The following REEP3 variants were observed in gnomAD, a reference collection of about 807,000 sequenced individuals.
REEP3 encodes receptor accessory protein 3, also known as receptor expression-enhancing protein 3.
Under a neutral mutation model 41.3 loss-of-function variants are expected in REEP3, and 20 were observed. The observed-to-expected ratio is 0.48, with a 90% CI of 0.34 to 0.70. REEP3 has a LOEUF of 0.70. REEP3 is among the 30% of genes least tolerant of loss of function. The pLI is 0.01. For synonymous variants in REEP3, 104 were observed against 101.8 expected (o/e 1.02, Z -0.13); for missense variants, 271 against 308.8 (o/e 0.88, Z 0.92).
intron 2 of REEP3, among the ~76,000 whole-genome samples, chr10:63,583,135 G>A (rs1436684048): frequency 6.6e-6 from 1 of 152,036 alleles, no homozygotes; most frequent in Non-Finnish European, 1.5e-5. Context: ...GGGACTACAG[G>A]CGCCCACCAC....
At chr10:63,576,253 T>G (rs1955897980) in intron 2 of REEP3, among the ~76,000 whole-genome samples, 1 of 152,194 alleles carries the variant, frequency 6.6e-6, no homozygotes. Flanking sequence ...CTATAGAATA[T>G]TTTCCTGTGG....
intron 6 of REEP3, among the ~76,000 whole-genome samples, chr10:63,614,462 CTGCTG>C (rs1356443648): frequency 6.6e-6 from 1 of 152,214 alleles, no homozygotes; most frequent in Non-Finnish European, 1.5e-5. Context: ...GCTCACACAT[CTGCTG>C]TCTGAGCTGA....
At chr10:63,569,982 G>A (rs570081229) in intron 2 of REEP3, among the ~76,000 whole-genome samples, 2 of 151,886 alleles carry the variant, frequency 1.3e-5, no homozygotes, top group Non-Finnish European at 2.9e-5. Context: ...AAATCAGAAA[G>A]ATTAATGCAT....
At chr10:63,529,601 T>C (rs562741174) in intron 1 of REEP3, among the ~76,000 whole-genome samples, 1 of 152,148 alleles carries the variant, frequency 6.6e-6, no homozygotes, top group African/African-American at 2.4e-5. Flanking sequence ...TAGCCAGGAC[T>C]AGAGGCATGC....
chr10:63,599,763 GTA>G, intron 5 of REEP3: 1 of 801,818 alleles, frequency 1.2e-6, no homozygotes, highest in Non-Finnish European at 1.5e-6. Context: ...TTAAAACTTG[GTA>G]CTTAGCCAGT....
In REEP3 at chr10:63,584,640, G is replaced by T. The variant is rs140543057; in HGVS notation, c.106-10138G>T. ...TCTTTGTTTTTAATGATGGAGTGGG[G>T]GGGGAATCATTATGAAGTAACCAAA... On this transcript the variant is annotated intron_variant, in intron 2 of 7. Coordinates refer to ENST00000373758, the MANE Select transcript of REEP3 (RefSeq NM_001001330.3). Among the ~76,000 whole-genome samples the T allele has an allele frequency of 3.2e-3, 489 of 152,016 alleles. 13 individuals carry two copies. Among genetic ancestry groups the T allele is most frequent in the Admixed American group, 0.03 (462 of 15,262 alleles).
intron 5 of REEP3, among the ~76,000 whole-genome samples, chr10:63,601,069 G>T (rs1956167922): frequency 6.6e-6 from 1 of 151,960 alleles, no homozygotes; most frequent in Admixed American, 6.6e-5. Flanking sequence ...CAGGAGAATT[G>T]CTTGAACCCG....
intron 6 of REEP3, among the ~76,000 whole-genome samples, chr10:63,619,361 A>G (rs1167412506): frequency 1.3e-5 from 2 of 152,222 alleles, no homozygotes; most frequent in African/African-American, 4.8e-5. Context: ...GAATTTTTTA[A>G]CAAGATGGTG....
At chr10:63,532,796 T>G (rs1955435739) in intron 1 of REEP3, among the ~76,000 whole-genome samples, 1 of 151,236 alleles carries the variant, frequency 6.6e-6, no homozygotes, top group African/African-American at 2.4e-5. Context: ...TACTCAGTAC[T>G]CAGAAGGCTG....
At position 63,624,225 on chromosome 10, in the gene REEP3, T is replaced by C. The variant is rs1956378754; in HGVS notation, c.*3356T>C. 1 of 152,126 alleles carries C rather than the reference T, an allele frequency of 6.6e-6. No homozygotes were observed. Among genetic ancestry groups the C allele is most frequent in the Non-Finnish European group, 1.5e-5 (1 of 67,986 alleles). 9.4% of individuals were successfully genotyped at this position (152,126 alleles called of 1,614,324 possible). ...AGCAATTAGGCAAATTTTGAGAAGATCATTGTTATTGTGGTTTGCAGTATA... is the reference window on the plus strand; with the variant it reads ...AGCAATTAGGCAAATTTTGAGAAGACCATTGTTATTGTGGTTTGCAGTATA... On this transcript the variant is annotated 3_prime_UTR_variant, in exon 8 of 8. Coordinates refer to ENST00000373758, the MANE Select transcript of REEP3 (RefSeq NM_001001330.3).
At chr10:63,544,487 T>C (rs1348902223) in intron 1 of REEP3, among the ~76,000 whole-genome samples, 2 of 151,984 alleles carry the variant, frequency 1.3e-5, no homozygotes, top group East Asian at 1.9e-4. Context: ...AACTTGACGA[T>C]TGGGTGTGAG....
At chr10:63,531,450 A>G (rs1193341979) in intron 1 of REEP3, among the ~76,000 whole-genome samples, 1 of 152,228 alleles carries the variant, frequency 6.6e-6, no homozygotes, top group Non-Finnish European at 1.5e-5. Context: ...AGTGGGCAAA[A>G]CTGCCACTGG....
chr10:63,587,405 A>G (rs1019581209), intron 2 of REEP3, among the ~76,000 whole-genome samples: 4 of 152,222 alleles, frequency 2.6e-5, no homozygotes, highest in South Asian at 2.1e-4. Flanking sequence ...TAATAGTACT[A>G]TGACCAGTGC....
chr10:63,539,355 G>T (rs1358215396), intron 1 of REEP3, among the ~76,000 whole-genome samples: 1 of 152,162 alleles, frequency 6.6e-6, no homozygotes, highest in South Asian at 2.1e-4. Context: ...TTTGAATTTT[G>T]TAAGATGGGG....
intron 5 of REEP3, among the ~76,000 whole-genome samples, chr10:63,604,781 T>C (rs1026420202): frequency 2.0e-5 from 3 of 152,226 alleles, no homozygotes; most frequent in African/African-American, 7.2e-5. Context: ...CTGGATTTTT[T>C]TTAGTGCTGA....
chr10:63,601,734 C>T (rs949961588), intron 5 of REEP3, among the ~76,000 whole-genome samples: 10 of 152,060 alleles, frequency 6.6e-5, no homozygotes, highest in Non-Finnish European at 1.3e-4. Flanking sequence ...TCCTGGCCAA[C>T]GTGGTGAAAC....
intron 2 of REEP3, among the ~76,000 whole-genome samples, chr10:63,572,626 A>G (rs1338849430): frequency 6.6e-6 from 1 of 152,174 alleles, no homozygotes; most frequent in Non-Finnish European, 1.5e-5. Flanking sequence ...TTTGTTTTAT[A>G]CATGGTATTT....
chr10:63,521,895 C>A (rs1229738308), intron 1 of REEP3: 3 of 152,320 alleles, frequency 2.0e-5, no homozygotes, highest in East Asian at 1.9e-4. Context: ...GCGCTCAGGG[C>A]AGGCGGCGCG....
chr10:63,528,677 C>G (rs1955389638), intron 1 of REEP3, among the ~76,000 whole-genome samples: 1 of 152,184 alleles, frequency 6.6e-6, no homozygotes, highest in Non-Finnish European at 1.5e-5. Flanking sequence ...TTTTCCATCT[C>G]AAACCTTTGT....
Sources: gnomAD v4.1 joint callset for allele counts (sites outside exome capture counted in the v4.1 genomes callset) on GRCh38, gnomAD v4.1.1 for gene constraint, MANE v1.5 for transcripts, NCBI Gene and HGNC (gene_info 2026-07-23, HGNC 2026-07-21) for gene names.